DPYD: variants seen among roughly 807,000 people sequenced by gnomAD.
DPYD encodes dihydropyrimidine dehydrogenase [NADP(+)].
DPYD carries 109 observed loss-of-function variants against 116.2 expected under a neutral mutation model. The ratio of observed to expected loss-of-function variants is 0.94; its 90% CI spans 0.80 to 1.10. The LOEUF is 1.10. DPYD is among the 50% of genes least tolerant of loss of function. The pLI is 0.00. For synonymous variants in DPYD, 440 were observed against 432.0 expected, an observed-to-expected ratio of 1.02 and a Z score of -0.23; for missense variants, 1,302 against 1,254.5, an observed-to-expected ratio of 1.04 and a Z score of -0.57.
At chr1:97,832,437 G>A (rs1215771849) in intron 2 of DPYD, among the ~76,000 whole-genome samples, 1 of 152,160 alleles carries the variant, frequency 6.6e-6, no homozygotes. Context: ...TAGTTTACTA[G>A]CAGAGTCAAA....
rs768379938 is a variant in DPYD, at chr1:97,306,312, C to A, written c.2059-15G>T. The A allele has an allele frequency of 2.5e-6, 4 of 1,611,612 alleles. No homozygotes were observed. The highest frequency in any genetic ancestry group is 3.4e-6 in the Non-Finnish European group (4 of 1,178,376). Reference sequence around the variant, plus strand: ...AGCTCTGGATCCTGTTCAAATAGGTCGGTTAAATATAGAACAAAATTAAAG... The same window carrying A: ...AGCTCTGGATCCTGTTCAAATAGGTAGGTTAAATATAGAACAAAATTAAAG... On this transcript the variant is annotated splice_polypyrimidine_tract_variant and intron_variant, in intron 16 of 22. Transcript: ENST00000370192.
At chr1:97,713,852 T>C (rs892048222) in intron 5 of DPYD, among the ~76,000 whole-genome samples, 4 of 152,094 alleles carry the variant, frequency 2.6e-5, no homozygotes, top group African/African-American at 9.7e-5. Context: ...ATAGAAGTAG[T>C]ATAGAGAAAT....
At chr1:97,086,045 G>GTT (rs1553210459) in intron 21 of DPYD, among the ~76,000 whole-genome samples, 7 of 151,836 alleles carry the variant, frequency 4.6e-5, no homozygotes, top group Non-Finnish European at 8.8e-5. Flanking sequence ...AAAAGTTGTC[G>GTT]TTGTTTTGTT....
intron 3 of DPYD, among the ~76,000 whole-genome samples, chr1:97,782,737 T>C (rs1666819615): frequency 6.6e-6 from 1 of 152,210 alleles, no homozygotes; most frequent in Admixed American, 6.5e-5. Context: ...TCTTTAATAG[T>C]ATTAATCAAA....
chr1:97,732,034 T>C (rs1204912141), intron 4 of DPYD, among the ~76,000 whole-genome samples: 3 of 152,090 alleles, frequency 2.0e-5, no homozygotes, highest in Non-Finnish European at 2.9e-5. Flanking sequence ...CCTTTCTCAT[T>C]TATACTAACA....
At chr1:97,413,424 A>G (rs1674116543) in intron 14 of DPYD, among the ~76,000 whole-genome samples, 1 of 152,112 alleles carries the variant, frequency 6.6e-6, no homozygotes, top group South Asian at 2.1e-4. Context: ...GGAATTCACA[A>G]TATAGTAGAG....
At chr1:97,720,615 C>T in intron 5 of DPYD, 10 of 1,197,314 alleles carry the variant, frequency 8.4e-6, no homozygotes, top group Non-Finnish European at 9.3e-6. Context: ...CAAAGTGAGA[C>T]TTAAGCTTGA....
intron 20 of DPYD, among the ~76,000 whole-genome samples, chr1:97,141,670 T>C (rs997909697): frequency 6.6e-6 from 1 of 152,188 alleles, no homozygotes; most frequent in Non-Finnish European, 1.5e-5. Context: ...TTTGTTCATT[T>C]TTATCTCTTT....
intron 1 of DPYD, among the ~76,000 whole-genome samples, chr1:97,890,871 T>C (rs1001659858): frequency 2.6e-5 from 4 of 151,998 alleles, no homozygotes; most frequent in African/African-American, 9.7e-5. Flanking sequence ...ACATTCTGAA[T>C]GTAATTTATT....
At chr1:97,885,327 A>T (rs1268913115) in intron 1 of DPYD, among the ~76,000 whole-genome samples, 6 of 152,074 alleles carry the variant, frequency 3.9e-5, no homozygotes, top group Non-Finnish European at 5.9e-5. Context: ...TATACTATTA[A>T]CAACAGACAC....
Position 97,454,945 on chromosome 1 carries a change from G to C in DPYD, c.1741-4722C>G, listed in dbSNP as rs79058138. Among the ~76,000 whole-genome samples the C allele has an allele frequency of 8.8e-3, 1,344 of 151,898 alleles. 7 individuals carry two copies. Among genetic ancestry groups the C allele is most frequent in the Non-Finnish European group, 0.016 (1,090 of 67,782 alleles). ...AATCATGGCTACATATACCATAGTG[G>C]ATGAATTTTATAAACATCTTGTTGA... On this transcript the variant is annotated intron_variant, in intron 13 of 22. Coordinates refer to ENST00000370192, the MANE Select transcript of DPYD (RefSeq NM_000110.4).
chr1:97,552,159 C>A (rs944455843), intron 11 of DPYD, among the ~76,000 whole-genome samples: 2 of 151,972 alleles, frequency 1.3e-5, no homozygotes, highest in African/African-American at 4.8e-5. Context: ...CAAAGCCCTG[C>A]GCCTAATTTC....
intron 13 of DPYD, among the ~76,000 whole-genome samples, chr1:97,452,560 T>C (rs1366108265): frequency 6.6e-6 from 1 of 152,108 alleles, no homozygotes; most frequent in Non-Finnish European, 1.5e-5. Context: ...CACCCAAATC[T>C]CATGTTGAAA....
At chr1:97,584,777 C>T (rs1319177205) in intron 10 of DPYD, among the ~76,000 whole-genome samples, 5 of 121,674 alleles carry the variant, frequency 4.1e-5, no homozygotes, top group Non-Finnish European at 6.3e-5. Flanking sequence ...GGAAGGGGAA[C>T]ATCACACACC....
intron 12 of DPYD, among the ~76,000 whole-genome samples, chr1:97,540,651 A>G (rs2102054529): frequency 6.6e-6 from 1 of 152,272 alleles, no homozygotes; most frequent in Admixed American, 6.5e-5. Context: ...TGGAAAGTTC[A>G]TTACATAGGC....
intron 16 of DPYD, among the ~76,000 whole-genome samples, chr1:97,346,931 A>ATATTT (rs1669881345): frequency 6.6e-6 from 1 of 151,856 alleles, no homozygotes; most frequent in South Asian, 2.1e-4. Context: ...GCTATATAAA[A>ATATTT]TATTTTATTT....
chr1:97,387,113 T>C (rs1410536637), intron 14 of DPYD, among the ~76,000 whole-genome samples: 5 of 152,160 alleles, frequency 3.3e-5, no homozygotes, highest in Non-Finnish European at 7.4e-5. Flanking sequence ...CCATTTCTAG[T>C]GCTCAATTTT....
At chr1:97,501,769 CT>C (rs1679602869) in intron 13 of DPYD, among the ~76,000 whole-genome samples, 1 of 151,980 alleles carries the variant, frequency 6.6e-6, no homozygotes, top group South Asian at 2.1e-4. Flanking sequence ...AAAAAGTGCT[CT>C]GGGGTAGGGA....
chr1:97,526,461 T>G (rs1170324831), intron 12 of DPYD, among the ~76,000 whole-genome samples: 1 of 152,178 alleles, frequency 6.6e-6, no homozygotes, highest in East Asian at 1.9e-4. Flanking sequence ...GGTACCTTCC[T>G]ACTAATTATA....
Sources: allele counts gnomAD v4.1 joint callset (sites outside exome capture counted in the v4.1 genomes callset), GRCh38; gene constraint gnomAD v4.1.1; transcripts MANE v1.5; gene names NCBI Gene and HGNC (gene_info 2026-07-23, HGNC 2026-07-21).